Variants in NBN observed in about 807,000 individuals in gnomAD.
The protein encoded by NBN is Nijmegen breakage syndrome 1 (nibrin).
Under a neutral mutation model 90.8 loss-of-function variants are expected in NBN, and 88 were observed. The observed-to-expected ratio is 0.97, with a 90% CI of 0.82 to 1.16. NBN has a LOEUF of 1.16. NBN is among the 50% of genes most tolerant of loss of function. The pLI is 0.00. For synonymous variants in NBN, 328 were observed against 295.1 expected (o/e 1.11, Z -1.14); for missense variants, 894 against 869.6 (o/e 1.03, Z -0.35).
intron 1 of NBN, among the ~76,000 whole-genome samples, chr8:89,983,939 C>G (rs962202603): frequency 3.5e-4 from 54 of 152,306 alleles, no homozygotes; most frequent in African/African-American, 1.2e-3. Flanking sequence ...TTCCCGAGGA[C>G]AAGACCCTTC....
intron 10 of NBN, among the ~76,000 whole-genome samples, chr8:89,954,362 T>C (rs189438661): frequency 5.9e-5 from 9 of 152,204 alleles, no homozygotes; most frequent in African/African-American, 2.2e-4. Flanking sequence ...GCCAAGGTAC[T>C]GGACAAACCA....
At chr8:89,976,892 A>G (rs1276639146) in intron 5 of NBN, among the ~76,000 whole-genome samples, 2 of 152,234 alleles carry the variant, frequency 1.3e-5, no homozygotes, top group Non-Finnish European at 2.9e-5. Context: ...GATAAAAATT[A>G]TAAACAAAGA....
At chr8:89,971,867 A>C (rs1811532037) in intron 5 of NBN, among the ~76,000 whole-genome samples, 1 of 152,250 alleles carries the variant, frequency 6.6e-6, no homozygotes, top group African/African-American at 2.4e-5. Context: ...CATCTTAATC[A>C]TCCATGAAAA....
intron 12 of NBN, among the ~76,000 whole-genome samples, 177 bp downstream of exon 12, chr8:89,947,647 A>G (rs905878273): frequency 1.3e-5 from 2 of 151,976 alleles, no homozygotes; most frequent in Admixed American, 1.3e-4. Flanking sequence ...ATAAATAAAC[A>G]AATAAATAAA....
intron 5 of NBN, among the ~76,000 whole-genome samples, chr8:89,971,735 A>C (rs1811526601): frequency 6.6e-6 from 1 of 152,218 alleles, no homozygotes. Flanking sequence ...GTTTTGTTAG[A>C]GATCTCTTTG....
chr8:89,970,368 G>C lies in NBN; in HGVS notation c.892C>G (p.Gln298Glu). Residue 298 changes from glutamine (Q) to glutamate (E), a missense_variant, in exon 7 of 16, where the codon CAA becomes GAA. Coordinates refer to ENST00000265433, the MANE Select transcript of NBN (RefSeq NM_002485.5). ...TAATAAAGAATAATTCTATACCTTT[G>C]GAGCATATCCATTATTGACTGAATC... ...KWIQSIMDML[Q>E]RQGLRPIPEA... 6.2e-7 allele frequency: 1 copy of C among 1,605,108 alleles called. No homozygotes were observed. Among genetic ancestry groups the C allele is most frequent in the East Asian group, 2.2e-5 (1 of 44,826 alleles).
chr8:89,961,579 G>C, intron 8 of NBN, among the ~76,000 whole-genome samples: 1 of 152,194 alleles, frequency 6.6e-6, no homozygotes, highest in Admixed American at 6.5e-5. Flanking sequence ...GAGCAGTACT[G>C]AACATTCTAG....
At chr8:89,982,477 C>T (rs1812115764) in intron 2 of NBN, 2 of 543,254 alleles carry the variant, frequency 3.7e-6, no homozygotes, top group East Asian at 6.4e-5. Context: ...TGTCCTACTT[C>T]CTCTGAGTTT....
At chr8:89,967,546 T>C (rs1811312518) in intron 7 of NBN, among the ~76,000 whole-genome samples, 2 of 152,296 alleles carry the variant, frequency 1.3e-5, no homozygotes, top group East Asian at 1.9e-4. Flanking sequence ...CCAAGGATTA[T>C]GATTCATCCA....
chr8:89,937,519 T>TA (rs13312965), intron 14 of NBN, among the ~76,000 whole-genome samples: 1 of 152,220 alleles, frequency 6.6e-6, no homozygotes, highest in East Asian at 1.9e-4. Context: ...AAGCTGCTGC[T>TA]AAATTACCTC....
At chr8:89,958,271 G>A (rs1186859784) in intron 9 of NBN, among the ~76,000 whole-genome samples, 1 of 152,188 alleles carries the variant, frequency 6.6e-6, no homozygotes, top group Non-Finnish European at 1.5e-5. Context: ...ACAGGTGATG[G>A]ACTGATACCG....
intron 11 of NBN, among the ~76,000 whole-genome samples, chr8:89,950,014 T>C (rs1356041804): frequency 6.6e-6 from 1 of 152,222 alleles, no homozygotes; most frequent in Non-Finnish European, 1.5e-5. Context: ...GATACTGTAC[T>C]GTAGTTATGC....
intron 11 of NBN, among the ~76,000 whole-genome samples, chr8:89,952,473 T>C (rs766979321): frequency 6.6e-6 from 1 of 152,174 alleles, no homozygotes; most frequent in East Asian, 1.9e-4. Flanking sequence ...ATAGGTTCTG[T>C]TTTTTGAATA....
chr8:89,954,614 C>A (rs1054623903), intron 10 of NBN, among the ~76,000 whole-genome samples: 35 of 150,890 alleles, frequency 2.3e-4, no homozygotes, highest in African/African-American at 1.2e-4. Flanking sequence ...CAGCATGAAA[C>A]CCCTGTGGAA....
rs1213347309 is a variant in NBN, at chr8:89,933,646, TATAAAA to T, written c.*1930_*1935del. 2.6e-5 allele frequency: 6 copies of T among 232,090 alleles called. No homozygotes were observed. The highest frequency in any genetic ancestry group is 4.3e-5 in the Non-Finnish European group (5 of 117,514). 14.4% of individuals were successfully genotyped at this position (232,090 alleles called of 1,614,324 possible). ...ATATCAATTCAAGGTAGATCACAAA[TATAAAA>T]ATATAAAGTTTATATAATAGAGCAG... On this transcript the variant is annotated 3_prime_UTR_variant, in exon 16 of 16. Transcript: ENST00000265433.
rs13312880 is a variant in NBN at position 89,970,727 on chromosome 8, C to T, written c.703-170G>A. ...AAGTCCCTAGTTCAACAGGTCTCTG[C>T]GGCCCTGGAACTGTTACACTCTCTG... is the stretch of plus-strand genomic sequence containing the variant. On this transcript the variant is annotated intron_variant, in intron 6 of 15. Coordinates refer to ENST00000265433, the MANE Select transcript of NBN (RefSeq NM_002485.5). 161 of 189,280 alleles carry T rather than the reference C, an allele frequency of 8.5e-4. No homozygotes were observed. The East Asian group carries it at 0.012, about 14-fold the overall frequency. 11.7% of individuals were successfully genotyped at this position (189,280 alleles called of 1,614,324 possible).
At chr8:89,982,694 A>C (rs1812124948) in intron 2 of NBN, 28 bp downstream of exon 2, 1 of 1,591,064 alleles carries the variant, frequency 6.3e-7, no homozygotes, top group Non-Finnish European at 8.6e-7. Context: ...CCTTACTGGA[A>C]ACTAGTGAAA....
chr8:89,966,430 G>T (rs1209558294), intron 7 of NBN, among the ~76,000 whole-genome samples: 3 of 152,152 alleles, frequency 2.0e-5, no homozygotes, highest in Admixed American at 1.3e-4. Flanking sequence ...GGTAATTTAA[G>T]TGACAATATC....
chr8:89,977,122 A>T (rs926401044), intron 5 of NBN, among the ~76,000 whole-genome samples: 3 of 152,140 alleles, frequency 2.0e-5, no homozygotes, highest in Admixed American at 6.5e-5. Context: ...TTACATAGGT[A>T]TCCATGTGCC....
Sources: gnomAD v4.1 joint callset for allele counts (sites outside exome capture counted in the v4.1 genomes callset) on GRCh38, gnomAD v4.1.1 for gene constraint, MANE v1.5 for transcripts, NCBI Gene and HGNC (gene_info 2026-07-23, HGNC 2026-07-21) for gene names.